Variants in PML observed in about 807,000 individuals in gnomAD.
PML encodes PML nuclear body scaffold, also known as protein PML.
PML carries 28 observed loss-of-function variants against 65.2 expected under a neutral mutation model. The ratio of observed to expected loss-of-function variants is 0.43; its 90% CI spans 0.32 to 0.59. PML has a LOEUF of 0.59. Among genes scored for constraint, PML ranks in the 20% least tolerant of loss-of-function variants. The pLI is 0.08. For synonymous variants in PML, 500 were observed against 508.8 expected (o/e 0.98, Z 0.23); for missense variants, 1,021 against 1,203.4 (o/e 0.85, Z 2.24).
intron 2 of PML, among the ~76,000 whole-genome samples, chr15:74,011,214 A>G (rs2070318395): frequency 6.6e-6 from 1 of 152,126 alleles, no homozygotes; most frequent in Non-Finnish European, 1.5e-5. Context: ...AAGAGTGTGA[A>G]TCTCTCCCAG....
Position 74,023,261 on chromosome 15 carries a change from C to T in PML, c.1036C>T (p.Leu346=). ...MKCYASDQEV[L]DMHGFLRQAL... Reference sequence around the variant, plus strand: ...GTGCTACGCCTCGGACCAGGAGGTGCTGGACATGCACGGTTTCCTGCGCCA... The same window carrying T: ...GTGCTACGCCTCGGACCAGGAGGTGTTGGACATGCACGGTTTCCTGCGCCA... Residue 346 remains leucine, a synonymous_variant, in exon 3 of 9, where the codon CTG becomes TTG. Transcript: ENST00000268058. 6.2e-7 allele frequency: 1 copy of T among 1,611,060 alleles called. No individual in the cohort carries two copies. The highest frequency in any genetic ancestry group is 8.5e-7 in the Non-Finnish European group (1 of 1,179,650).
Position 74,037,073 on chromosome 15 carries a change from T to C in PML, c.1710+2543T>C. The C allele has an allele frequency of 3.0e-6, 3 of 985,464 alleles. No individual in the cohort carries two copies. The highest frequency in any genetic ancestry group is 3.6e-6 in the Non-Finnish European group (3 of 829,932). 61.0% of individuals were successfully genotyped at this position (985,464 alleles called of 1,614,324 possible). A position where few individuals can be genotyped will look rare whatever the true frequency, so the allele number is the denominator to read the frequency against. Reference sequence around the variant, plus strand: ...GTGCTGCCACCTGGAGACCGAGATCTGCAGGAGAAAGGCCTGGGAAAACTA... The same window carrying C: ...GTGCTGCCACCTGGAGACCGAGATCCGCAGGAGAAAGGCCTGGGAAAACTA... On this transcript the variant is annotated intron_variant, in intron 7 of 8. Transcript: ENST00000268058. The surrounding 1 kb of genome is among the most constrained non-coding windows in gnomAD (Gnocchi z 4.2).
chr15:73,999,226 A>G (rs563168427), intron 2 of PML, among the ~76,000 whole-genome samples: 10 of 152,204 alleles, frequency 6.6e-5, no homozygotes, highest in Non-Finnish European at 1.3e-4. Context: ...GAGCAATCTT[A>G]TCAGGTCCTA....
chr15:74,009,380 T>C (rs1288677476), intron 2 of PML, among the ~76,000 whole-genome samples: 1 of 152,126 alleles, frequency 6.6e-6, no homozygotes, highest in African/African-American at 2.4e-5. Flanking sequence ...TTATTGGGGA[T>C]TGATATTATT....
rs191159090 is a variant in PML at position 74,016,556 on chromosome 15, C to G, written c.603-6272C>G. 2.6e-5 allele frequency among the ~76,000 whole-genome samples: 4 copies of G among 152,004 alleles called. No individual in the cohort carries two copies. In the East Asian group the frequency reaches 7.7e-4, roughly 29 times the overall value. ...TTGCTTCCTATTTAAAGTCCAAACT[C>G]CTTTACTTAGAATTGATTATAGAAA... On this transcript the variant is annotated intron_variant, in intron 2 of 8. Transcript: ENST00000268058.
chr15:74,019,824 T>G (rs1013015509), intron 2 of PML, among the ~76,000 whole-genome samples: 2 of 152,264 alleles, frequency 1.3e-5, no homozygotes, highest in Non-Finnish European at 2.9e-5. Flanking sequence ...CATTTCTCCA[T>G]GGAGAATTTT....
At chr15:74,033,700 C>T in intron 6 of PML, 2 of 621,658 alleles carry the variant, frequency 3.2e-6, no homozygotes, top group East Asian at 2.7e-5. Flanking sequence ...GGCAGGTCTC[C>T]ACAAGAAGTT....
chr15:74,032,900 C>T (rs1004657533), intron 5 of PML, among the ~76,000 whole-genome samples, 185 bp downstream of exon 5: 2 of 152,232 alleles, frequency 1.3e-5, no homozygotes, highest in Non-Finnish European at 2.9e-5. Context: ...TTCCCATAAG[C>T]ATGGCCCACT....
intron 2 of PML, among the ~76,000 whole-genome samples, chr15:73,998,877 T>C (rs957893276): frequency 2.6e-5 from 4 of 152,190 alleles, no homozygotes; most frequent in African/African-American, 9.7e-5. Context: ...TCAGTAAGGC[T>C]GGATTCTAGG....
Position 74,035,811 on chromosome 15 carries a change from G to A in PML, c.1710+1281G>A, listed in dbSNP as rs2071533557. ...GACTCTTGGAGCAGGTGTTCCCCCT[G>A]GGGACTCTGTCAGAGGCTCCATGGA... On this transcript the variant is annotated intron_variant, in intron 7 of 8. Transcript: ENST00000268058. This position sits in a 1 kb window ranked among gnomAD's most constrained non-coding sequence, Gnocchi z 4.1. The A allele has an allele frequency of 6.2e-7, 1 of 1,613,726 alleles. No individual in the cohort carries two copies. Among genetic ancestry groups the A allele is most frequent in the Non-Finnish European group, 8.5e-7 (1 of 1,179,874 alleles).
At chr15:74,031,170 C>T in intron 4 of PML, 2 of 357,084 alleles carry the variant, frequency 5.6e-6, no homozygotes, top group East Asian at 8.3e-5. Flanking sequence ...TGGCAACCAC[C>T]AATCTGCTTT....
chr15:73,998,368 C>A lies in PML; in HGVS notation c.494C>A (p.Pro165His). 6.2e-7 allele frequency: 1 copy of A among 1,614,154 alleles called. No individual in the cohort carries two copies. Among genetic ancestry groups the A allele is most frequent in the Non-Finnish European group, 8.5e-7 (1 of 1,180,010 alleles). Residue 165 changes from proline to histidine, a missense_variant, in exon 2 of 9, where the codon CCC becomes CAC. Pro to His is a moderately conservative substitution (Grantham distance 77). Coordinates refer to ENST00000268058, the MANE Select transcript of PML (RefSeq NM_033238.3). Reference sequence around the variant, plus strand: ...TGGTTCCTCAAGCACGAGGCCCGGCCCCTAGCAGAGCTGCGCAACCAGTCG... The same window carrying A: ...TGGTTCCTCAAGCACGAGGCCCGGCACCTAGCAGAGCTGCGCAACCAGTCG... Reference protein sequence around the residue: ...HQWFLKHEARPLAELRNQSVR... With the variant: ...HQWFLKHEARHLAELRNQSVR...
intron 2 of PML, among the ~76,000 whole-genome samples, chr15:74,012,692 C>G (rs1031474541): frequency 6.6e-6 from 1 of 152,316 alleles, no homozygotes; most frequent in Middle Eastern, 3.4e-3. Flanking sequence ...AGATGGTTGG[C>G]TTCCATCCTT....
chr15:74,023,938 A>G (rs1320251090), intron 3 of PML, among the ~76,000 whole-genome samples: 1 of 152,088 alleles, frequency 6.6e-6, no homozygotes, highest in Non-Finnish European at 1.5e-5. Flanking sequence ...CGCCCTGCCT[A>G]GTGTTGGACG....
chr15:74,023,403 G>A lies in PML; in HGVS notation c.1178G>A (p.Gly393Glu). The A allele has an allele frequency of 6.3e-7, 1 of 1,598,216 alleles. No individual in the cohort carries two copies. Among genetic ancestry groups the A allele is most frequent in the Non-Finnish European group, 8.5e-7 (1 of 1,179,618 alleles). The change falls in exon 3 of 9, where the codon GGG becomes GAG. Residue 393 changes from glycine (G) to glutamate (E), a missense_variant. Physicochemically the swap from Gly to Glu is moderately conservative, Grantham distance 98. Coordinates refer to ENST00000268058, the MANE Select transcript of PML (RefSeq NM_033238.3). The stretch of plus-strand genomic sequence containing the variant: ...GACCTCAGCTCTTGCATCACCCAGG[G>A]GAAAGGTAAGCACGCACGCCACCTT... ...LQDLSSCITQ[G>E]KDAAVSKKAS...
intron 2 of PML, among the ~76,000 whole-genome samples, chr15:74,016,637 A>G (rs536080899): frequency 3.3e-5 from 5 of 152,240 alleles, no homozygotes; most frequent in African/African-American, 1.2e-4. Context: ...GGAAACTACT[A>G]TCACTCTAGA....
intron 5 of PML, 38 bp downstream of exon 5, chr15:74,032,753 G>T: frequency 6.2e-7 from 1 of 1,611,132 alleles, no homozygotes; most frequent in Non-Finnish European, 8.5e-7. Context: ...CCTCCTGAAG[G>T]CCTGAGTTCC....
At position 74,045,685 on chromosome 15, in the gene PML, C is replaced by T; in HGVS notation, c.*677C>T. The T allele has an allele frequency of 4.3e-6, 1 of 233,804 alleles. No homozygotes were observed. Among genetic ancestry groups the T allele is most frequent in the Admixed American group, 5.6e-5 (1 of 17,806 alleles). The allele number at this position is 233,804 out of a possible 1,614,324, so 14.5% of individuals were successfully genotyped here. On this transcript the variant is annotated 3_prime_UTR_variant, in exon 9 of 9. Transcript: ENST00000268058. ...CTGCACAGACACCTCTGCTTGGCCA[C>T]AGCTTTGCTCTTTGGTCCTCAGGCC...
At position 74,043,672 on chromosome 15, in the gene PML, C is replaced by T. The variant is rs1288083579; in HGVS notation, c.1861+533C>T. 1 of 529,710 alleles carries T rather than the reference C, an allele frequency of 1.9e-6. No homozygotes were observed. Among genetic ancestry groups the T allele is most frequent in the African/African-American group, 1.9e-5 (1 of 52,492 alleles). The allele number at this position is 529,710 out of a possible 1,614,324, so 32.8% of individuals were successfully genotyped here. On this transcript the variant is annotated intron_variant, in intron 8 of 8. Coordinates refer to ENST00000268058, the MANE Select transcript of PML (RefSeq NM_033238.3). The surrounding 1 kb of genome is among the most constrained non-coding windows in gnomAD (Gnocchi z 4.3). ...TTGAGCCAGAGCCCCAGGCCCTACC[C>T]TGTGGCATGGACTCAACATTGGGGC...
Sources: allele counts gnomAD v4.1 joint callset (sites outside exome capture counted in the v4.1 genomes callset), GRCh38; gene constraint gnomAD v4.1.1; non-coding constraint Gnocchi (gnomAD v3.1); transcripts MANE v1.5; gene names NCBI Gene and HGNC (gene_info 2026-07-23, HGNC 2026-07-21).